DYM: variants seen among roughly 807,000 people sequenced by gnomAD.
DYM encodes the protein dymeclin, also known as dyggve-Melchior-Clausen syndrome protein.
Under a neutral mutation model 93.1 loss-of-function variants are expected in DYM, and 78 were observed. The observed-to-expected ratio is 0.84, with a 90% CI of 0.70 to 1.01. DYM has a LOEUF of 1.01. Among genes scored for constraint, DYM ranks in the 50% least tolerant of loss-of-function variants. DYM has a pLI of 0.00. For missense variants in DYM, 789 were observed against 845.0 expected (o/e 0.93, Z 0.82); for synonymous variants, 321 against 319.7 (o/e 1.00, Z -0.04).
intron 2 of DYM, among the ~76,000 whole-genome samples, chr18:49,401,004 T>A (rs1168006836): frequency 1.3e-5 from 2 of 152,164 alleles, no homozygotes; most frequent in Admixed American, 6.5e-5. Context: ...CCAAGAATAT[T>A]ACAATTAGAA....
chr18:49,198,643 G>A (rs1388531681), intron 14 of DYM, among the ~76,000 whole-genome samples: 1 of 150,586 alleles, frequency 6.6e-6, no homozygotes, highest in Non-Finnish European at 1.5e-5. Context: ...ATCATCACTG[G>A]CCATCAGAGA....
intron 14 of DYM, among the ~76,000 whole-genome samples, chr18:49,181,336 T>C (rs925929989): frequency 6.6e-6 from 1 of 152,178 alleles, no homozygotes; most frequent in African/African-American, 2.4e-5. Flanking sequence ...TTTACATAAA[T>C]GCATTTTAAT....
At chr18:49,090,694 C>A (rs556807520) in intron 17 of DYM, among the ~76,000 whole-genome samples, 1 of 152,128 alleles carries the variant, frequency 6.6e-6, no homozygotes, top group Non-Finnish European at 1.5e-5. Flanking sequence ...GCCCTCCATG[C>A]TCTTCACCCT....
At chr18:49,320,788 A>T (rs144970966) in intron 8 of DYM, among the ~76,000 whole-genome samples, 1 of 152,284 alleles carries the variant, frequency 6.6e-6, no homozygotes, top group East Asian at 1.9e-4. Context: ...CTATTTTAAA[A>T]GGGAAAGTTT....
At chr18:49,069,197 C>G (rs1235503446) in intron 17 of DYM, among the ~76,000 whole-genome samples, 2 of 152,164 alleles carry the variant, frequency 1.3e-5, no homozygotes, top group East Asian at 3.8e-4. Flanking sequence ...AGTGAATAAA[C>G]TAAATTGTTA....
At chr18:49,217,803 C>T (rs1333267091) in intron 13 of DYM, among the ~76,000 whole-genome samples, 1 of 152,146 alleles carries the variant, frequency 6.6e-6, no homozygotes, top group East Asian at 1.9e-4. Flanking sequence ...CAAAAACATG[C>T]CAAATTGTAA....
At chr18:49,357,050 C>T (rs1338528906) in intron 6 of DYM, among the ~76,000 whole-genome samples, 1 of 152,104 alleles carries the variant, frequency 6.6e-6, no homozygotes, top group East Asian at 1.9e-4. Context: ...TTCCACAAAC[C>T]CTCTGCTCAA....
chr18:49,225,322 A>C (rs2093491623), intron 13 of DYM, among the ~76,000 whole-genome samples: 1 of 152,168 alleles, frequency 6.6e-6, no homozygotes, highest in Non-Finnish European at 1.5e-5. Context: ...CAGTGGTGCA[A>C]GCACAACCCT....
intron 15 of DYM, among the ~76,000 whole-genome samples, chr18:49,160,071 TGTTA>T (rs2086913266): frequency 1.3e-5 from 2 of 152,204 alleles, no homozygotes; most frequent in Admixed American, 6.5e-5. Flanking sequence ...CTCCTGTCCC[TGTTA>T]GTCACTGAAT....
intron 17 of DYM, among the ~76,000 whole-genome samples, chr18:49,067,508 G>T (rs1020996637): frequency 6.7e-6 from 1 of 149,662 alleles, no homozygotes; most frequent in Non-Finnish European, 1.5e-5. Flanking sequence ...CGGAAGTTTA[G>T]TAGGGAAGGA....
intron 17 of DYM, among the ~76,000 whole-genome samples, chr18:49,077,013 C>CT (rs1013925668): frequency 8.9e-4 from 136 of 152,228 alleles, no homozygotes; most frequent in Middle Eastern, 6.8e-3. Context: ...CACAGGAGGA[C>CT]TTTTTTCCCT....
chr18:49,434,507 C>T (rs2080642331), intron 1 of DYM, among the ~76,000 whole-genome samples: 1 of 151,742 alleles, frequency 6.6e-6, no homozygotes, highest in South Asian at 2.1e-4. Context: ...GCAATAAGAG[C>T]TAAACTCCAT....
intron 6 of DYM, among the ~76,000 whole-genome samples, chr18:49,356,833 A>AT (rs1357251218): frequency 1.3e-5 from 2 of 152,236 alleles, no homozygotes. Context: ...ATGTTATTAC[A>AT]TTTTTAAAAT....
chr18:49,306,192 A>C lies in DYM; in HGVS notation c.764-19576T>G, dbSNP rs75649761. Among the ~76,000 whole-genome samples the C allele has an allele frequency of 7.4e-4, 113 of 152,352 alleles. 2 individuals are homozygous for C. The highest frequency in any genetic ancestry group is 2.7e-3 in the African/African-American group (112 of 41,584). On this transcript the variant is annotated intron_variant, in intron 8 of 17. Coordinates refer to ENST00000675505, the MANE Select transcript of DYM (RefSeq NM_001353214.3). ...AGAATAAGAAGGTCCAACAAGCCTGACAGGTCATTTTAAGAAGAAAGGTGA... is the reference window on the plus strand; with the variant it reads ...AGAATAAGAAGGTCCAACAAGCCTGCCAGGTCATTTTAAGAAGAAAGGTGA...
intron 17 of DYM, among the ~76,000 whole-genome samples, chr18:49,047,418 C>A (rs2071738856): frequency 1.3e-5 from 2 of 152,242 alleles, no homozygotes; most frequent in South Asian, 4.1e-4. Context: ...CTCTTTGGCC[C>A]AGTCTGGCTG....
In DYM at chr18:49,201,339, C is replaced by T. The variant is rs1214666966; in HGVS notation, c.1625+8212G>A. On this transcript the variant is annotated intron_variant, in intron 14 of 17. Coordinates refer to ENST00000675505, the MANE Select transcript of DYM (RefSeq NM_001353214.3). Reference sequence around the variant, plus strand: ...TTCCTTTTTTTTTCAAAGTTCACCTCCATTAAGTCCTTCTTTTTCCATCTC... The same window carrying T: ...TTCCTTTTTTTTTCAAAGTTCACCTTCATTAAGTCCTTCTTTTTCCATCTC... Among the ~76,000 whole-genome samples the T allele has an allele frequency of 2.0e-5, 3 of 152,066 alleles. No homozygotes were observed. In the East Asian group the frequency reaches 5.8e-4, roughly 29 times the overall value.
intron 2 of DYM, among the ~76,000 whole-genome samples, chr18:49,403,562 T>C (rs2071092104): frequency 6.6e-6 from 1 of 152,236 alleles, no homozygotes; most frequent in South Asian, 2.1e-4. Context: ...ACAAAGACTT[T>C]TTTAAGTCTA....
chr18:49,367,372 G>T (rs1027450603), intron 5 of DYM, among the ~76,000 whole-genome samples: 2 of 152,032 alleles, frequency 1.3e-5, no homozygotes, highest in African/African-American at 4.8e-5. Flanking sequence ...TGATATCTAG[G>T]GTCCCTTAAG....
At position 49,269,273 on chromosome 18, in the gene DYM, C is replaced by A. The variant is rs958637399; in HGVS notation, c.1251+2905G>T. Among the ~76,000 whole-genome samples, 2 of 151,992 alleles carry A rather than the reference C, an allele frequency of 1.3e-5. 1 individual carries two copies. Among genetic ancestry groups the A allele is most frequent in the Admixed American group, 1.3e-4 (2 of 15,246 alleles). On this transcript the variant is annotated intron_variant, in intron 11 of 17. Transcript: ENST00000675505. ...GGAAATGCAAATCAAAACCATCACACCAGTGTGGATAGTCATTATGAAAAA... is the reference window on the plus strand; with the variant it reads ...GGAAATGCAAATCAAAACCATCACAACAGTGTGGATAGTCATTATGAAAAA...
Sources: gnomAD v4.1 joint callset for allele counts (sites outside exome capture counted in the v4.1 genomes callset) on GRCh38, gnomAD v4.1.1 for gene constraint, MANE v1.5 for transcripts, NCBI Gene and HGNC (gene_info 2026-07-23, HGNC 2026-07-21) for gene names.